ROBO2: variants seen among roughly 807,000 people sequenced by gnomAD.
The protein encoded by ROBO2 is roundabout guidance receptor 2.
Under a neutral mutation model 160.8 loss-of-function variants are expected in ROBO2, and 53 were observed. That is an observed-to-expected ratio of 0.33 (90% CI 0.26 to 0.41). The LOEUF (loss-of-function observed/expected upper bound fraction) is 0.41. Among genes scored for constraint, ROBO2 ranks in the 10% least tolerant of loss-of-function variants. ROBO2 has a pLI of 1.00. For missense variants in ROBO2, 1,577 were observed against 1,722.4 expected, an observed-to-expected ratio of 0.92 and a Z score of 1.49; for synonymous variants, 664 against 611.7, an observed-to-expected ratio of 1.09 and a Z score of -1.26.
intron 2 of ROBO2, among the ~76,000 whole-genome samples, chr3:76,726,310 T>C (rs2093552386): frequency 6.6e-6 from 1 of 152,148 alleles, no homozygotes. Context: ...TACGCTTCAT[T>C]TTTCAGAAAT....
intron 2 of ROBO2, among the ~76,000 whole-genome samples, chr3:76,367,957 C>T (rs930983503): frequency 6.6e-6 from 1 of 151,372 alleles, no homozygotes; most frequent in Admixed American, 6.6e-5. Flanking sequence ...TATAGACGTG[C>T]CTTAAAAAAC....
intron 2 of ROBO2, among the ~76,000 whole-genome samples, chr3:76,904,215 A>G (rs898847799): frequency 1.2e-4 from 18 of 152,290 alleles, no homozygotes; most frequent in African/African-American, 4.3e-4. Context: ...AGCTCTGTTT[A>G]GTGTATCCTT....
intron 2 of ROBO2, among the ~76,000 whole-genome samples, chr3:76,194,363 T>TATATATATATATAC (rs1702158013): frequency 8.4e-6 from 1 of 118,638 alleles, no homozygotes; most frequent in African/African-American, 3.5e-5. Flanking sequence ...AATATATATA[T>TATATATATATATAC]ATATATATAT....
At chr3:76,047,831 T>G (rs1460443629) in intron 2 of ROBO2, among the ~76,000 whole-genome samples, 1 of 152,170 alleles carries the variant, frequency 6.6e-6, no homozygotes, top group African/African-American at 2.4e-5. Context: ...ATTACTACAT[T>G]TTTATTACAA....
At chr3:76,507,867 C>A (rs148503646) in intron 2 of ROBO2, among the ~76,000 whole-genome samples, 1 of 152,226 alleles carries the variant, frequency 6.6e-6, no homozygotes, top group East Asian at 1.9e-4. Flanking sequence ...ACTCTCTGAT[C>A]TGTCTCTTTC....
At chr3:76,622,235 GAAGAAAGAAAGAAAGAAAGAAAGA>G (rs66811756) in intron 2 of ROBO2, among the ~76,000 whole-genome samples, 88 of 44,796 alleles carry the variant, frequency 2.0e-3, no homozygotes, top group East Asian at 3.8e-3. Flanking sequence ...AGGAAGGAAG[GAAGAAAGAAAGAAAGAAAGAAAGA>G]AAGAAAGAAA....
chr3:75,952,298 C>CT (rs1481839793), intron 2 of ROBO2, among the ~76,000 whole-genome samples: 5 of 151,846 alleles, frequency 3.3e-5, no homozygotes, highest in Non-Finnish European at 7.4e-5. Flanking sequence ...TGCTTTTACT[C>CT]TAATCATTAA....
chr3:76,460,954 A>G (rs2078053690), intron 2 of ROBO2, among the ~76,000 whole-genome samples: 1 of 152,212 alleles, frequency 6.6e-6, no homozygotes. Flanking sequence ...GACAATACAG[A>G]AACAAAGCCA....
At chr3:76,750,364 G>A (rs1362585187) in intron 2 of ROBO2, among the ~76,000 whole-genome samples, 1 of 152,062 alleles carries the variant, frequency 6.6e-6, no homozygotes, top group Admixed American at 6.6e-5. Flanking sequence ...AAAACTGGAA[G>A]CATTCCCTTT....
chr3:76,167,387 C>T (rs1299121094), intron 2 of ROBO2, among the ~76,000 whole-genome samples: 3 of 152,194 alleles, frequency 2.0e-5, no homozygotes, highest in Non-Finnish European at 4.4e-5. Context: ...CTTTTCTAAA[C>T]CCAGAAGAGG....
intron 2 of ROBO2, among the ~76,000 whole-genome samples, chr3:76,539,810 G>C (rs1254325312): frequency 1.3e-5 from 2 of 152,156 alleles, no homozygotes; most frequent in African/African-American, 4.8e-5. Flanking sequence ...AATCAGACCA[G>C]TGATCCAGAA....
chr3:77,260,472 T>G (rs1313734258), intron 2 of ROBO2, among the ~76,000 whole-genome samples: 1 of 152,288 alleles, frequency 6.6e-6, no homozygotes, highest in Admixed American at 6.5e-5. Flanking sequence ...TTAGGATGGA[T>G]AAATGACTAT....
chr3:77,481,549 G>A (rs544543338), intron 4 of ROBO2, among the ~76,000 whole-genome samples: 4 of 152,146 alleles, frequency 2.6e-5, no homozygotes, highest in Admixed American at 2.6e-4. Context: ...CATTTATCAG[G>A]TAGCTATTAT....
At chr3:77,031,112 A>T (rs538372366) in intron 2 of ROBO2, among the ~76,000 whole-genome samples, 1 of 152,300 alleles carries the variant, frequency 6.6e-6, no homozygotes, top group Non-Finnish European at 1.5e-5. Flanking sequence ...TGAAGATATA[A>T]GAAATTGTGT....
chr3:76,699,999 A>G (rs1205038046), intron 2 of ROBO2, among the ~76,000 whole-genome samples: 1 of 152,070 alleles, frequency 6.6e-6, no homozygotes. Flanking sequence ...TGGGGCAAAT[A>G]AGAGAAAGAA....
At chr3:76,410,110 CT>C (rs2075411580) in intron 2 of ROBO2, among the ~76,000 whole-genome samples, 1 of 152,080 alleles carries the variant, frequency 6.6e-6, no homozygotes, top group Admixed American at 6.6e-5. Context: ...TCTTGGGCTG[CT>C]TTGTTTCTAC....
intron 2 of ROBO2, among the ~76,000 whole-genome samples, chr3:75,984,866 A>C (rs2065372080): frequency 6.6e-6 from 1 of 151,406 alleles, no homozygotes; most frequent in Admixed American, 6.6e-5. Flanking sequence ...TCAGTGTAAT[A>C]GTAGCATATT....
intron 2 of ROBO2, among the ~76,000 whole-genome samples, chr3:75,978,407 C>T (rs1451045787): frequency 6.6e-6 from 1 of 151,438 alleles, no homozygotes; most frequent in East Asian, 1.9e-4. Context: ...CAAGATCTTT[C>T]ATTTTTAATT....
At chr3:77,279,642 CAT>C (rs1210645989) in intron 2 of ROBO2, among the ~76,000 whole-genome samples, 1 of 152,042 alleles carries the variant, frequency 6.6e-6, no homozygotes, top group African/African-American at 2.4e-5. Context: ...CACATACTAA[CAT>C]GTGGAGTCCT....
Sources: gnomAD v4.1 joint callset for allele counts (sites outside exome capture counted in the v4.1 genomes callset) on GRCh38, gnomAD v4.1.1 for gene constraint, MANE v1.5 for transcripts, NCBI Gene and HGNC (gene_info 2026-07-23, HGNC 2026-07-21) for gene names.